MAPK10: variants seen among roughly 807,000 people sequenced by gnomAD.
MAPK10 encodes mitogen-activated protein kinase 10.
Under a neutral mutation model 59.3 loss-of-function variants are expected in MAPK10, and 25 were observed. The ratio of observed to expected loss-of-function variants is 0.42; its 90% CI spans 0.31 to 0.59. The LOEUF (loss-of-function observed/expected upper bound fraction) is 0.59, where lower values mean the gene tolerates loss of function less well. Ranked by LOEUF, MAPK10 falls within the 20% of genes least tolerant of loss-of-function variation. The probability of loss-of-function intolerance (pLI) is 0.15; values close to 1 mark genes in which losing one functional copy is unlikely to be tolerated. For missense variants in MAPK10, 351 were observed against 568.9 expected (o/e 0.62, Z 3.90); for synonymous variants, 190 against 200.5 (o/e 0.95, Z 0.44).
At chr4:86,207,757 C>T (rs1314057931) in intron 2 of MAPK10, among the ~76,000 whole-genome samples, 2 of 152,074 alleles carry the variant, frequency 1.3e-5, no homozygotes, top group African/African-American at 2.4e-5. Context: ...TGAAGAAGTC[C>T]TTCATGTCCC....
At chr4:86,359,466 G>A (rs1031936920) in intron 1 of MAPK10, among the ~76,000 whole-genome samples, 192 bp downstream of exon 1, 1 of 151,858 alleles carries the variant, frequency 6.6e-6, no homozygotes, top group East Asian at 1.9e-4. Context: ...AGTCTGGAAA[G>A]AGATGTTCTG....
chr4:86,412,709 G>A (rs1191212993), intron 1 of MAPK10, among the ~76,000 whole-genome samples: 4 of 152,092 alleles, frequency 2.6e-5, no homozygotes. Flanking sequence ...TGAAGCTTGT[G>A]CATGTGTCAC....
At chr4:86,561,038 T>C (rs1042339086) in intron 1 of MAPK10, among the ~76,000 whole-genome samples, 1 of 152,234 alleles carries the variant, frequency 6.6e-6, no homozygotes, top group Non-Finnish European at 1.5e-5. Flanking sequence ...ATTTTTTCCA[T>C]GAATGCGGGA....
At chr4:86,432,874 C>A (rs1748227334) in intron 1 of MAPK10, among the ~76,000 whole-genome samples, 1 of 152,146 alleles carries the variant, frequency 6.6e-6, no homozygotes, top group Non-Finnish European at 1.5e-5. Flanking sequence ...GCATAAAGTT[C>A]TTCTGGGAAA....
rs547765108 is a variant in MAPK10, at chr4:86,272,094, G to A, written c.-6-77687C>T. The stretch of plus-strand genomic sequence containing the variant: ...TTTAAGTGAGTACATGCGGTATTTG[G>A]TTTTCTGCTCCTGCATTGATTCACT... On this transcript the variant is annotated intron_variant, in intron 2 of 13. Transcript: ENST00000641462. 9.2e-5 allele frequency among the ~76,000 whole-genome samples: 14 copies of A among 152,100 alleles called. No individual in the cohort carries two copies. The East Asian group carries it at 2.7e-3, about 29-fold the overall frequency.
At chr4:86,156,305 T>C (rs1220753685) in intron 4 of MAPK10, among the ~76,000 whole-genome samples, 1 of 152,036 alleles carries the variant, frequency 6.6e-6, no homozygotes, top group Non-Finnish European at 1.5e-5. Flanking sequence ...TAACATAAAA[T>C]GTATCATCTT....
At chr4:86,536,230 A>G (rs1315139772) in intron 1 of MAPK10, among the ~76,000 whole-genome samples, 1 of 152,216 alleles carries the variant, frequency 6.6e-6, no homozygotes, top group Non-Finnish European at 1.5e-5. Context: ...AATACTTATA[A>G]CAGTAAATAT....
Position 86,242,137 on chromosome 4 carries a change from G to T in MAPK10, c.-6-47730C>A, listed in dbSNP as rs534561490. ...ATAGGGCTCCTGCAGTTTGCTGGGG[G>T]TTCACTTCAGGCCCTATTCATCTGA... On this transcript the variant is annotated intron_variant, in intron 2 of 13. Transcript: ENST00000641462. Among the ~76,000 whole-genome samples the T allele has an allele frequency of 2.6e-4, 39 of 152,058 alleles. No homozygotes were observed. In the East Asian group the frequency reaches 5.6e-3, roughly 22 times the overall value.
intron 1 of MAPK10, among the ~76,000 whole-genome samples, chr4:86,416,042 C>A (rs1564830230): frequency 1.3e-5 from 2 of 152,100 alleles, no homozygotes; most frequent in South Asian, 2.1e-4. Flanking sequence ...TGTGTCTTCC[C>A]AAAATGCATA....
At chr4:86,300,267 C>T (rs1303471505) in intron 2 of MAPK10, among the ~76,000 whole-genome samples, 1 of 152,152 alleles carries the variant, frequency 6.6e-6, no homozygotes, top group Admixed American at 6.5e-5. Flanking sequence ...TGAAATGCTT[C>T]CCGCCCTTCT....
Position 86,296,726 on chromosome 4 carries a change from T to TC in MAPK10, c.-7+57803dup, listed in dbSNP as rs2095369811. Among the ~76,000 whole-genome samples, 11 of 152,310 alleles carry TC rather than the reference T, an allele frequency of 7.2e-5. 1 individual carries two copies. The South Asian group carries it at 2.3e-3, about 32-fold the overall frequency. ...AAAGAAGAAAAGCATAGTAAAATTCTCCTTAGAGTTAGAATTATTAATAGT... is the reference window on the plus strand; with the variant it reads ...AAAGAAGAAAAGCATAGTAAAATTCTCCCTTAGAGTTAGAATTATTAATAGT... On this transcript the variant is annotated intron_variant, in intron 2 of 13. Transcript: ENST00000641462.
chr4:86,183,709 C>T (rs564791261), intron 3 of MAPK10, among the ~76,000 whole-genome samples: 9 of 152,278 alleles, frequency 5.9e-5, no homozygotes, highest in Admixed American at 2.6e-4. Flanking sequence ...CCTGAGGAAT[C>T]GCCACACTGA....
chr4:86,067,861 C>A lies in MAPK10; in HGVS notation c.897G>T (p.Glu299Asp). 1 of 1,614,020 alleles carries A rather than the reference C, an allele frequency of 6.2e-7. No homozygotes were observed. Among genetic ancestry groups the A allele is most frequent in the Non-Finnish European group, 8.5e-7 (1 of 1,179,960 alleles). The change falls in exon 10 of 14, where the codon GAG becomes GAT. Residue 299 changes from glutamate to aspartate, a missense_variant. Physicochemically the swap from Glu to Asp is conservative, Grantham distance 45 (BLOSUM62 2). Around this residue, in one of 5 missense-constraint regions of MAPK10, gnomAD observed 155 missense variants for 204.2 expected, o/e 0.76. Transcript: ENST00000641462. ...KLQPTVRNYV[E>D]NRPKYAGLTF... is the part of the protein sequence containing the mutation. ...TGAGTCCCGCATACTTGGGCCGATT[C>A]TCCACATAGTTTCTTACTGTGGGTT...
At chr4:86,122,723 A>G (rs1302062014) in intron 4 of MAPK10, among the ~76,000 whole-genome samples, 2 of 152,072 alleles carry the variant, frequency 1.3e-5, no homozygotes, top group Admixed American at 6.5e-5. Flanking sequence ...GTCCTCTTCA[A>G]TTAGGGAATA....
intron 1 of MAPK10, among the ~76,000 whole-genome samples, chr4:86,568,617 A>G (rs913077149): frequency 1.3e-5 from 2 of 152,162 alleles, no homozygotes; most frequent in East Asian, 1.9e-4. Context: ...ATGAGACAGA[A>G]TAGAGAACCC....
At chr4:86,077,234 A>C (rs1561399981) in intron 9 of MAPK10, among the ~76,000 whole-genome samples, 1 of 152,206 alleles carries the variant, frequency 6.6e-6, no homozygotes. Context: ...AATAGTAAAA[A>C]TGAGTATCTG....
chr4:86,019,202 C>T (rs1578587632), intron 13 of MAPK10, among the ~76,000 whole-genome samples: 1 of 152,084 alleles, frequency 6.6e-6, no homozygotes, highest in African/African-American at 2.4e-5. Flanking sequence ...TATTTCTTCC[C>T]GGTCATTCTT....
chr4:86,134,338 A>G lies in MAPK10; in HGVS notation c.236+24960T>C, dbSNP rs192604989. ...ACTAGAAGTGTGATAACTACATTAT[A>G]TATTTATAGACCACTAATCTAGCCA... On this transcript the variant is annotated intron_variant, in intron 4 of 13. Coordinates refer to ENST00000641462, the MANE Select transcript of MAPK10 (RefSeq NM_138982.4). Among the ~76,000 whole-genome samples, 10 of 152,336 alleles carry G rather than the reference A, an allele frequency of 6.6e-5. No homozygotes were observed. In the East Asian group the frequency reaches 1.9e-3, roughly 29 times the overall value.
chr4:86,439,741 T>G (rs1749198826), intron 1 of MAPK10, among the ~76,000 whole-genome samples: 1 of 152,224 alleles, frequency 6.6e-6, no homozygotes, highest in African/African-American at 2.4e-5. Context: ...TGTTACATAT[T>G]CTTATTATTA....
Sources: allele counts gnomAD v4.1 joint callset (sites outside exome capture counted in the v4.1 genomes callset), GRCh38; gene constraint gnomAD v4.1.1; regional missense constraint gnomAD v4.1.1; transcripts MANE v1.5; gene names NCBI Gene and HGNC (gene_info 2026-07-23, HGNC 2026-07-21).